LAMA2: variants seen among roughly 807,000 people sequenced by gnomAD.
LAMA2 encodes laminin subunit alpha-2.
A neutral mutation model predicts 364.8 loss-of-function variants in LAMA2; 269 were observed. The observed-to-expected ratio is 0.74, with a 90% CI of 0.67 to 0.82. LAMA2 has a LOEUF of 0.82. Among genes scored for constraint, LAMA2 ranks in the 40% least tolerant of loss-of-function variants. The pLI is 0.00. For missense variants in LAMA2, 3,807 were observed against 3,873.2 expected, an observed-to-expected ratio of 0.98 and a Z score of 0.45; for synonymous variants, 1,379 against 1,370.6, an observed-to-expected ratio of 1.01 and a Z score of -0.14.
At chr6:129,118,795 GT>G (rs1230693692) in intron 4 of LAMA2, among the ~76,000 whole-genome samples, 9 of 152,260 alleles carry the variant, frequency 5.9e-5, no homozygotes, top group Non-Finnish European at 1.0e-4. Context: ...GTGTGTTATT[GT>G]TTTTAATTGC....
chr6:129,445,956 G>A (rs1782350550), intron 45 of LAMA2, 135 bp downstream of exon 45: 1 of 787,164 alleles, frequency 1.3e-6, no homozygotes, highest in Non-Finnish European at 2.1e-6. Context: ...ATTTGGGGTA[G>A]GAGGGGTTGG....
At chr6:128,984,343 C>T (rs545446748) in intron 1 of LAMA2, among the ~76,000 whole-genome samples, 1 of 152,296 alleles carries the variant, frequency 6.6e-6, no homozygotes, top group East Asian at 1.9e-4. Flanking sequence ...TGTAACTCTT[C>T]TGAGGCCTCC....
intron 4 of LAMA2, among the ~76,000 whole-genome samples, chr6:129,102,223 G>T (rs1583045322): frequency 6.6e-6 from 1 of 151,050 alleles, no homozygotes. Flanking sequence ...CCGCCTCCCG[G>T]GTTCCCGGGT....
At chr6:129,288,678 A>G (rs1789463864) in intron 19 of LAMA2, among the ~76,000 whole-genome samples, 1 of 152,128 alleles carries the variant, frequency 6.6e-6, no homozygotes, top group African/African-American at 2.4e-5. Context: ...GGCTTCATCC[A>G]TATTAGTATA....
chr6:128,937,564 G>C (rs1779903184), intron 1 of LAMA2, among the ~76,000 whole-genome samples: 2 of 151,788 alleles, frequency 1.3e-5, no homozygotes, highest in South Asian at 4.2e-4. Flanking sequence ...TCAACTTCTT[G>C]TAGGTTATTG....
intron 7 of LAMA2, among the ~76,000 whole-genome samples, chr6:129,149,662 G>A (rs765820826): frequency 6.6e-6 from 1 of 152,006 alleles, no homozygotes; most frequent in African/African-American, 2.4e-5. Flanking sequence ...ATCACAAAAT[G>A]TTCCCCACCT....
intron 1 of LAMA2, among the ~76,000 whole-genome samples, chr6:129,027,663 A>G (rs1785922844): frequency 6.6e-6 from 1 of 152,014 alleles, no homozygotes; most frequent in Non-Finnish European, 1.5e-5. Context: ...TCTCTATCAG[A>G]AGGATAGATT....
intron 35 of LAMA2, among the ~76,000 whole-genome samples, chr6:129,389,547 G>A (rs974145473): frequency 6.6e-6 from 1 of 152,142 alleles, no homozygotes; most frequent in Non-Finnish European, 1.5e-5. Context: ...CAAAGGCTCT[G>A]TATTAATCTC....
At chr6:129,303,456 A>C (rs1773673085) in intron 22 of LAMA2, among the ~76,000 whole-genome samples, 2 of 152,168 alleles carry the variant, frequency 1.3e-5, no homozygotes. Context: ...ACTATTGACT[A>C]GAAGTGGTGG....
At chr6:128,968,740 G>A (rs1427158759) in intron 1 of LAMA2, among the ~76,000 whole-genome samples, 1 of 152,084 alleles carries the variant, frequency 6.6e-6, no homozygotes, top group African/African-American at 2.4e-5. Context: ...GCCAGGATAA[G>A]GGCAGCCAGG....
chr6:129,391,781 ATGT>A, intron 36 of LAMA2, 128 bp downstream of exon 36: 1 of 731,528 alleles, frequency 1.4e-6, no homozygotes, highest in Non-Finnish European at 2.4e-6. Flanking sequence ...GATATTTGCT[ATGT>A]TATCTATCAT....
At chr6:129,385,932 A>G (rs1324401604) in intron 35 of LAMA2, among the ~76,000 whole-genome samples, 1 of 152,134 alleles carries the variant, frequency 6.6e-6, no homozygotes, top group Non-Finnish European at 1.5e-5. Context: ...CTTTATAGAT[A>G]CTGTATGCCT....
In LAMA2 at chr6:129,177,880, T is replaced by C. The variant is rs752417497; in HGVS notation, c.1467+14T>C. On this transcript the variant is annotated intron_variant, in intron 10 of 64. Coordinates refer to ENST00000421865, the MANE Select transcript of LAMA2 (RefSeq NM_000426.4). ...TGTATCTGCAAGGTACATTGTTTAT[T>C]CCAGTAATGTCCCACTGTCAAGACA... The C allele has an allele frequency of 1.9e-6, 3 of 1,611,400 alleles. No homozygotes were observed. The East Asian group carries it at 6.7e-5, about 36-fold the overall frequency.
At chr6:129,368,919 T>C (rs1488924832) in intron 33 of LAMA2, among the ~76,000 whole-genome samples, 1 of 152,240 alleles carries the variant, frequency 6.6e-6, no homozygotes, top group African/African-American at 2.4e-5. Context: ...ACACATGTGA[T>C]GGAACAAAGT....
chr6:129,314,624 T>C, intron 23 of LAMA2, 31 bp from the exon 24 acceptor site: 1 of 1,611,582 alleles, frequency 6.2e-7, no homozygotes, highest in South Asian at 1.1e-5. Context: ...TTTGCCGTTA[T>C]AAACTCTGAG....
chr6:129,341,647 C>CT (rs1424285746), intron 29 of LAMA2, among the ~76,000 whole-genome samples: 3 of 152,172 alleles, frequency 2.0e-5, no homozygotes, highest in Non-Finnish European at 2.9e-5. Context: ...TTCCTAACTC[C>CT]TTATTGCATA....
At chr6:128,973,280 G>T (rs891480731) in intron 1 of LAMA2, among the ~76,000 whole-genome samples, 1 of 152,084 alleles carries the variant, frequency 6.6e-6, no homozygotes, top group Admixed American at 6.6e-5. Flanking sequence ...TTTTTACTGT[G>T]CAATTTTCCT....
At chr6:129,137,801 T>A (rs1777893283) in intron 4 of LAMA2, among the ~76,000 whole-genome samples, 1 of 152,106 alleles carries the variant, frequency 6.6e-6, no homozygotes, top group Non-Finnish European at 1.5e-5. Flanking sequence ...TAGTATGTAC[T>A]GAAATCATTA....
At chr6:129,495,470 T>C (rs1044278626) in intron 58 of LAMA2, among the ~76,000 whole-genome samples, 1 of 152,206 alleles carries the variant, frequency 6.6e-6, no homozygotes, top group African/African-American at 2.4e-5. Flanking sequence ...CTCCCTCCCT[T>C]AATTGTTACC....
Sources: allele counts gnomAD v4.1 joint callset (sites outside exome capture counted in the v4.1 genomes callset), GRCh38; gene constraint gnomAD v4.1.1; transcripts MANE v1.5; gene names NCBI Gene and HGNC (gene_info 2026-07-23, HGNC 2026-07-21).